KIAA1958: variants seen among roughly 807,000 people sequenced by gnomAD.
KIAA1958 encodes KIAA1958.
Under a neutral mutation model 47.2 loss-of-function variants are expected in KIAA1958, and 14 were observed. That is an observed-to-expected ratio of 0.30 (90% CI 0.20 to 0.46). KIAA1958 has a LOEUF of 0.46. KIAA1958 is among the 20% of genes least tolerant of loss of function. The pLI, the probability that KIAA1958 is intolerant of heterozygous loss-of-function variation, is 1.00. For synonymous variants in KIAA1958, 354 were observed against 353.3 expected (o/e 1.00, Z -0.02); for missense variants, 803 against 909.2 (o/e 0.88, Z 1.50).
At position 112,574,973 on chromosome 9, in the gene KIAA1958, G is replaced by A; in HGVS notation, c.893G>A (p.Gly298Asp). ...SLASPNRGPP[G>D]THGTNQQVAM... ...GCTTCACCAAACAGAGGACCCCCTGGTACACATGGCACCAACCAACAGGTG... is the reference window on the plus strand; with the variant it reads ...GCTTCACCAAACAGAGGACCCCCTGATACACATGGCACCAACCAACAGGTG... The change falls in exon 2 of 4, where the codon GGT (glycine) becomes GAT (aspartate). Residue 298 changes from glycine (G) to aspartate (D), a missense_variant. Transcript: ENST00000337530. 1 of 1,614,132 alleles carries A rather than the reference G, an allele frequency of 6.2e-7. No homozygotes were observed. Among genetic ancestry groups the A allele is most frequent in the Non-Finnish European group, 8.5e-7 (1 of 1,180,028 alleles).
intron 1 of KIAA1958, among the ~76,000 whole-genome samples, chr9:112,539,508 TA>T (rs1338872527): frequency 6.7e-6 from 1 of 149,854 alleles, no homozygotes; most frequent in Non-Finnish European, 1.5e-5. Flanking sequence ...GAGTGGTTGT[TA>T]TGATTTAGAG....
intron 2 of KIAA1958, among the ~76,000 whole-genome samples, chr9:112,607,929 G>A (rs1836265130): frequency 6.6e-6 from 1 of 152,110 alleles, no homozygotes; most frequent in South Asian, 2.1e-4. Flanking sequence ...TCAAACTGTT[G>A]CTCAGTTATA....
Position 112,669,048 on chromosome 9 carries a change from G to A in KIAA1958, c.*8979G>A, listed in dbSNP as rs1837386496. On this transcript the variant is annotated 3_prime_UTR_variant, in exon 4 of 4. Coordinates refer to ENST00000337530, the MANE Select transcript of KIAA1958 (RefSeq NM_133465.4). Reference sequence around the variant, plus strand: ...TAACACTGGAAACATCATTCTGAACGATGTAGGAAGCGGTCAGTAACGTGA... The same window carrying A: ...TAACACTGGAAACATCATTCTGAACAATGTAGGAAGCGGTCAGTAACGTGA... 6.6e-6 allele frequency: 1 copy of A among 152,188 alleles called. No homozygotes were observed. Among genetic ancestry groups the A allele is most frequent in the Admixed American group, 6.5e-5 (1 of 15,284 alleles). The allele number at this position is 152,188 out of a possible 1,614,324, so 9.4% of individuals were successfully genotyped here.
chr9:112,570,981 G>C lies in KIAA1958; in HGVS notation c.-24-3076G>C, dbSNP rs562460935. 1.3e-5 allele frequency among the ~76,000 whole-genome samples: 2 copies of C among 152,310 alleles called. 1 individual carries two copies. The highest frequency in any genetic ancestry group is 4.1e-4 in the South Asian group (2 of 4,820). On this transcript the variant is annotated intron_variant, in intron 1 of 3. Coordinates refer to ENST00000337530, the MANE Select transcript of KIAA1958 (RefSeq NM_133465.4). ...AAGGCTGGAGGCCTCCAGTTCTGAT[G>C]TCCAAGGCAGCGAAAAAGAAGCCTA...
At chr9:112,561,558 C>G (rs770112575) in intron 1 of KIAA1958, among the ~76,000 whole-genome samples, 2 of 152,048 alleles carry the variant, frequency 1.3e-5, no homozygotes, top group Admixed American at 6.5e-5. Context: ...TATGATTTCT[C>G]TTAAAAGAAA....
intron 2 of KIAA1958, among the ~76,000 whole-genome samples, chr9:112,615,891 G>T (rs1836401649): frequency 6.6e-6 from 1 of 152,216 alleles, no homozygotes; most frequent in South Asian, 2.1e-4. Flanking sequence ...TTACATCTCA[G>T]ACAAGAAAGT....
At chr9:112,537,922 A>T (rs1834882642) in intron 1 of KIAA1958, among the ~76,000 whole-genome samples, 1 of 152,244 alleles carries the variant, frequency 6.6e-6, no homozygotes, top group South Asian at 2.1e-4. Context: ...GACTAGCCCA[A>T]CACAAATAGA....
At chr9:112,520,218 A>G (rs779044520) in intron 1 of KIAA1958, among the ~76,000 whole-genome samples, 10 of 152,246 alleles carry the variant, frequency 6.6e-5, no homozygotes, top group Non-Finnish European at 1.2e-4. Context: ...CTATCTGCAT[A>G]TTACTGCTAA....
At chr9:112,612,999 G>A (rs1373728109) in intron 2 of KIAA1958, among the ~76,000 whole-genome samples, 1 of 152,168 alleles carries the variant, frequency 6.6e-6, no homozygotes, top group Non-Finnish European at 1.5e-5. Context: ...GTGGTAAGAA[G>A]CAGAGTATAG....
At chr9:112,558,035 G>A (rs1835271766) in intron 1 of KIAA1958, among the ~76,000 whole-genome samples, 1 of 152,078 alleles carries the variant, frequency 6.6e-6, no homozygotes, top group African/African-American at 2.4e-5. Flanking sequence ...GACCATCCTG[G>A]CCAACATGGT....
At chr9:112,634,351 C>G (rs1048414519) in intron 2 of KIAA1958, among the ~76,000 whole-genome samples, 1 of 152,106 alleles carries the variant, frequency 6.6e-6, no homozygotes, top group African/African-American at 2.4e-5. Flanking sequence ...GCCTCAGCCT[C>G]CCGAGTAGCT....
chr9:112,495,787 C>A (rs778210825), intron 1 of KIAA1958, among the ~76,000 whole-genome samples: 1 of 152,206 alleles, frequency 6.6e-6, no homozygotes, highest in Non-Finnish European at 1.5e-5. Flanking sequence ...TGTTCCCTTC[C>A]GCAGTGAGTC....
intron 1 of KIAA1958, among the ~76,000 whole-genome samples, chr9:112,522,771 T>A (rs1834571382): frequency 1.3e-5 from 2 of 152,188 alleles, no homozygotes; most frequent in Admixed American, 6.5e-5. Flanking sequence ...CTGGGCAAGA[T>A]GAATGTTCTA....
intron 1 of KIAA1958, among the ~76,000 whole-genome samples, chr9:112,543,422 T>A (rs1018702105): frequency 9.2e-5 from 14 of 152,190 alleles, no homozygotes; most frequent in Non-Finnish European, 2.1e-4. Flanking sequence ...AGTAAATGGA[T>A]GCTGAGTGGG....
Position 112,574,482 on chromosome 9 carries a change from T to C in KIAA1958, c.402T>C (p.Thr134=). 1 of 1,614,128 alleles carries C rather than the reference T, an allele frequency of 6.2e-7. No individual in the cohort carries two copies. The highest frequency in any genetic ancestry group is 8.5e-7 in the Non-Finnish European group (1 of 1,180,020). Residue 134 remains threonine (T), a synonymous_variant, in exon 2 of 4, where the codon ACT becomes ACC. Transcript: ENST00000337530. ...GTGAGCCCTCTGAACTGGATGAAAC[T>C]GTTGAAGAATATGAAGATGAGAACA... ...YCSEPSELDE[T]VEEYEDENTL... is the part of the protein sequence containing the mutation.
At chr9:112,508,543 A>G (rs1253447645) in intron 1 of KIAA1958, among the ~76,000 whole-genome samples, 1 of 152,234 alleles carries the variant, frequency 6.6e-6, no homozygotes, top group South Asian at 2.1e-4. Context: ...TGATTATTCA[A>G]TAGGGCTTTA....
At chr9:112,492,726 T>G (rs1400027214) in intron 1 of KIAA1958, among the ~76,000 whole-genome samples, 1 of 152,216 alleles carries the variant, frequency 6.6e-6, no homozygotes, top group African/African-American at 2.4e-5. Flanking sequence ...AAATGCTTTA[T>G]TTTTAATGAC....
At chr9:112,500,176 A>G (rs1193271477) in intron 1 of KIAA1958, among the ~76,000 whole-genome samples, 1 of 151,864 alleles carries the variant, frequency 6.6e-6, no homozygotes, top group Admixed American at 6.6e-5. Context: ...AACTCAGCTC[A>G]CTGCAACCTT....
rs555514932 is a variant in KIAA1958, at chr9:112,641,390, TG to T, written c.1172-4259del. Among the ~76,000 whole-genome samples, 21 of 150,066 alleles carry T rather than the reference TG, an allele frequency of 1.4e-4. No homozygotes were observed. The South Asian group carries it at 4.5e-3, about 32-fold the overall frequency. ...ATGAGAAATCTGATTCTTCTCGCTA[TG>T]TTGACAGCTCTAGTGCCTCTTGGTG... On this transcript the variant is annotated intron_variant, in intron 2 of 3. Coordinates refer to ENST00000337530, the MANE Select transcript of KIAA1958 (RefSeq NM_133465.4).
Sources: allele counts gnomAD v4.1 joint callset (sites outside exome capture counted in the v4.1 genomes callset), GRCh38; gene constraint gnomAD v4.1.1; transcripts MANE v1.5; gene names NCBI Gene and HGNC (gene_info 2026-07-23, HGNC 2026-07-21).